Variants in STK32B observed in about 807,000 individuals in gnomAD.
STK32B encodes serine/threonine-protein kinase 32B.
In STK32B, 43 loss-of-function variants were observed where a neutral mutation model predicts 52.6. That is an observed-to-expected ratio of 0.82 (90% CI 0.64 to 1.05). The LOEUF (loss-of-function observed/expected upper bound fraction) is 1.05. Among genes scored for constraint, STK32B ranks in the 50% least tolerant of loss-of-function variants. The pLI, the probability that STK32B is intolerant of heterozygous loss-of-function variation, is 0.00. For synonymous variants in STK32B, 238 were observed against 204.3 expected (o/e 1.17, Z -1.41); for missense variants, 621 against 534.6 (o/e 1.16, Z -1.59).
Position 5,404,355 on chromosome 4 carries a change from G to A in STK32B, c.472+6111G>A, listed in dbSNP as rs143907191. Among the ~76,000 whole-genome samples, 411 of 152,144 alleles carry A rather than the reference G, an allele frequency of 2.7e-3. 2 individuals are homozygous for A. Among genetic ancestry groups the A allele is most frequent in the Middle Eastern group, 0.01 (3 of 294 alleles). ...TTCACATGGCATTTTCCCTGTGTGC[G>A]TGTCGGCGTCCAAATTTCTCCTTTT... On this transcript the variant is annotated intron_variant, in intron 5 of 11. Coordinates refer to ENST00000282908, the MANE Select transcript of STK32B (RefSeq NM_018401.3).
At chr4:5,154,956 C>G (rs565885204) in intron 2 of STK32B, among the ~76,000 whole-genome samples, 1 of 152,326 alleles carries the variant, frequency 6.6e-6, no homozygotes, top group African/African-American at 2.4e-5. Flanking sequence ...GCCAGTCCCT[C>G]CATGCCAGGC....
chr4:5,337,668 T>G (rs961710582), intron 4 of STK32B, among the ~76,000 whole-genome samples: 1 of 152,054 alleles, frequency 6.6e-6, no homozygotes, highest in African/African-American at 2.4e-5. Context: ...AGAGATTTAT[T>G]TAGCTGGTAA....
At chr4:5,155,460 T>C (rs1717742586) in intron 2 of STK32B, among the ~76,000 whole-genome samples, 1 of 152,178 alleles carries the variant, frequency 6.6e-6, no homozygotes, top group African/African-American at 2.4e-5. Flanking sequence ...TGCACATATA[T>C]GTACATATAC....
At chr4:5,188,712 C>A (rs1720936905) in intron 3 of STK32B, among the ~76,000 whole-genome samples, 1 of 152,052 alleles carries the variant, frequency 6.6e-6, no homozygotes, top group Non-Finnish European at 1.5e-5. Flanking sequence ...ATTTTCTATG[C>A]CCCTTTCTCC....
At chr4:5,040,625 C>T in the STK32B span, among the ~76,000 whole-genome samples, 8 of 152,224 alleles carry the variant, frequency 5.3e-5, no homozygotes, top group South Asian at 1.7e-3. Context: ...ATCGCTTGAC[C>T]TCGTAATCTG....
intron 7 of STK32B, among the ~76,000 whole-genome samples, chr4:5,449,863 G>A (rs995998114): frequency 2.6e-5 from 4 of 152,026 alleles, no homozygotes; most frequent in Admixed American, 6.5e-5. Context: ...CCCCAGATGC[G>A]ACTGCCTAGT....
At position 5,418,830 on chromosome 4, in the gene STK32B, A is replaced by T. The variant is rs552440842; in HGVS notation, c.562+1896A>T. Among the ~76,000 whole-genome samples the T allele has an allele frequency of 1.5e-3, 235 of 152,328 alleles. 1 individual carries two copies. The highest frequency in any genetic ancestry group is 3.4e-3 in the Middle Eastern group (1 of 294). ...TTCCCTGACCGCATAAACAGTGCCT[A>T]AAACCGCCTGGAGGAGTTAGAGTTG... On this transcript the variant is annotated intron_variant, in intron 6 of 11. Coordinates refer to ENST00000282908, the MANE Select transcript of STK32B (RefSeq NM_018401.3).
chr4:5,215,200 A>T (rs1723114006), intron 3 of STK32B, among the ~76,000 whole-genome samples: 1 of 152,206 alleles, frequency 6.6e-6, no homozygotes, highest in African/African-American at 2.4e-5. Context: ...CTCTGAGAAC[A>T]TAGTGTTTTA....
intron 4 of STK32B, among the ~76,000 whole-genome samples, chr4:5,338,773 T>C (rs1732877175): frequency 6.6e-6 from 1 of 152,172 alleles, no homozygotes; most frequent in African/African-American, 2.4e-5. Flanking sequence ...AGATTCCAGA[T>C]CTACCCTGGG....
At chr4:5,371,982 G>A (rs1005574624) in intron 4 of STK32B, among the ~76,000 whole-genome samples, 2 of 152,150 alleles carry the variant, frequency 1.3e-5, no homozygotes, top group Non-Finnish European at 2.9e-5. Context: ...GTCCTTCTGG[G>A]CACAAGCCAC....
chr4:5,252,021 A>T (rs1483890492), intron 3 of STK32B, among the ~76,000 whole-genome samples: 1 of 152,182 alleles, frequency 6.6e-6, no homozygotes, highest in Non-Finnish European at 1.5e-5. Flanking sequence ...AGAAGTTCAT[A>T]TTCCTTGAAC....
At chr4:5,440,271 T>A (rs1223950816) in intron 6 of STK32B, among the ~76,000 whole-genome samples, 1 of 152,210 alleles carries the variant, frequency 6.6e-6, no homozygotes, top group Non-Finnish European at 1.5e-5. Flanking sequence ...GTATCCTCTT[T>A]TATTTCCTTG....
At chr4:5,406,832 A>C (rs1386756070) in intron 5 of STK32B, among the ~76,000 whole-genome samples, 1 of 152,134 alleles carries the variant, frequency 6.6e-6, no homozygotes, top group Non-Finnish European at 1.5e-5. Flanking sequence ...ACTGCTGCAG[A>C]GGTCTCTGGA....
At chr4:5,365,537 T>G (rs1282108656) in intron 4 of STK32B, among the ~76,000 whole-genome samples, 2 of 152,262 alleles carry the variant, frequency 1.3e-5, no homozygotes, top group Non-Finnish European at 2.9e-5. Flanking sequence ...ACCTGCATTC[T>G]TAAAAAGCTG....
chr4:5,496,548 C>CCTGCTTCTGCTCGCACACGGTGCG (rs61698429), intron 11 of STK32B, among the ~76,000 whole-genome samples: 2 of 137,918 alleles, frequency 1.5e-5, no homozygotes, highest in African/African-American at 6.6e-5. Context: ...AATGCCTTGC[C>CCTGCTTCTGCTCGCACACGGTGCG]CTGCACCCAC....
chr4:5,045,606 T>C, the STK32B span, among the ~76,000 whole-genome samples: 1 of 152,242 alleles, frequency 6.6e-6, no homozygotes, highest in African/African-American at 2.4e-5. Context: ...TGGTTTGTAG[T>C]TCTTCTTGAA....
At chr4:5,095,965 C>G (rs1181794856) in intron 1 of STK32B, among the ~76,000 whole-genome samples, 1 of 152,130 alleles carries the variant, frequency 6.6e-6, no homozygotes, top group Non-Finnish European at 1.5e-5. Flanking sequence ...TACACGTGAA[C>G]TGGAAAAAAA....
At chr4:5,449,275 G>A (rs1418014439) in intron 7 of STK32B, among the ~76,000 whole-genome samples, 2 of 152,154 alleles carry the variant, frequency 1.3e-5, no homozygotes, top group Admixed American at 6.5e-5. Flanking sequence ...CCCGGGAAGC[G>A]GAGGTTGCAG....
chr4:5,103,438 C>G (rs996849291), intron 1 of STK32B, among the ~76,000 whole-genome samples: 9 of 152,174 alleles, frequency 5.9e-5, no homozygotes, highest in African/African-American at 1.9e-4. Flanking sequence ...TCTTGTTTTT[C>G]TCACTCCCCA....
Sources: allele counts gnomAD v4.1 joint callset (sites outside exome capture counted in the v4.1 genomes callset), GRCh38; gene constraint gnomAD v4.1.1; transcripts MANE v1.5; gene names NCBI Gene and HGNC (gene_info 2026-07-23, HGNC 2026-07-21).